DTNA: variants seen among roughly 807,000 people sequenced by gnomAD.
The protein encoded by DTNA is dystrophin-related protein 3.
DTNA carries 43 observed loss-of-function variants against 100.7 expected under a neutral mutation model. That is an observed-to-expected ratio of 0.43 (90% CI 0.33 to 0.55). The LOEUF (loss-of-function observed/expected upper bound fraction) is 0.55, where lower values mean the gene tolerates loss of function less well. Among genes scored for constraint, DTNA ranks in the 20% least tolerant of loss-of-function variants. DTNA has a pLI of 0.04. For missense variants in DTNA, 798 were observed against 953.9 expected (o/e 0.84, Z 2.15); for synonymous variants, 349 against 347.9 (o/e 1.00, Z -0.04).
intron 13 of DTNA, among the ~76,000 whole-genome samples, chr18:34,841,116 C>G (rs1450966011): frequency 2.0e-5 from 3 of 152,042 alleles, no homozygotes; most frequent in Non-Finnish European, 4.4e-5. Flanking sequence ...AAGATCATCC[C>G]CCTTTTATAG....
At chr18:34,803,485 T>C (rs2095278791) in intron 4 of DTNA, among the ~76,000 whole-genome samples, 2 of 152,156 alleles carry the variant, frequency 1.3e-5, no homozygotes, top group African/African-American at 2.4e-5. Flanking sequence ...TCCAAAATCA[T>C]TGGTGGTCAA....
chr18:34,868,129 T>C (rs1001871838), intron 17 of DTNA: 3 of 574,742 alleles, frequency 5.2e-6, no homozygotes, highest in Non-Finnish European at 6.6e-6. Flanking sequence ...ACAAGGATGT[T>C]ACTCTGCATG....
At chr18:34,882,323 C>G (rs769121204) in intron 21 of DTNA, 122 bp downstream of exon 21, 3 of 1,293,104 alleles carry the variant, frequency 2.3e-6, no homozygotes, top group Middle Eastern at 2.6e-4. Context: ...TCAAAATACA[C>G]TGATTTCACT....
chr18:34,722,123 T>G (rs2085475869), intron 1 of DTNA, among the ~76,000 whole-genome samples: 1 of 152,184 alleles, frequency 6.6e-6, no homozygotes, highest in African/African-American at 2.4e-5. Context: ...AATAATCCTT[T>G]GGGTTTAAAT....
intron 1 of DTNA, chr18:34,662,898 G>A (rs1212401546): frequency 6.6e-6 from 1 of 152,082 alleles, no homozygotes; most frequent in Non-Finnish European, 1.5e-5. Context: ...GATTCTTGAG[G>A]TTAAAACTAT....
chr18:34,666,834 A>G (rs1422189891), intron 1 of DTNA, among the ~76,000 whole-genome samples: 1 of 152,102 alleles, frequency 6.6e-6, no homozygotes, highest in East Asian at 1.9e-4. Flanking sequence ...GCCTTGTGGT[A>G]TAGTGTGAAG....
chr18:34,872,430 T>A (rs2096774309), intron 17 of DTNA, among the ~76,000 whole-genome samples: 3 of 152,202 alleles, frequency 2.0e-5, no homozygotes, highest in Admixed American at 2.0e-4. Context: ...ATATGGTCCA[T>A]AGCCCCATAT....
chr18:34,516,195 C>T (rs980947182), intron 1 of DTNA, among the ~76,000 whole-genome samples: 8 of 152,116 alleles, frequency 5.3e-5, no homozygotes, highest in Non-Finnish European at 1.0e-4. Flanking sequence ...GAAGGCATCA[C>T]ATATCGGCAG....
At chr18:34,562,730 G>T (rs1003929639) in intron 1 of DTNA, among the ~76,000 whole-genome samples, 1 of 152,098 alleles carries the variant, frequency 6.6e-6, no homozygotes, top group Non-Finnish European at 1.5e-5. Flanking sequence ...CTGAGGGTGA[G>T]GCCCAGCAAA....
At chr18:34,795,598 TG>T (rs1166318224) in intron 4 of DTNA, among the ~76,000 whole-genome samples, 4 of 152,214 alleles carry the variant, frequency 2.6e-5, no homozygotes, top group Non-Finnish European at 5.9e-5. Context: ...AACCTGGCCC[TG>T]TGACAAGAGT....
chr18:34,856,994 C>T (rs2096560240), intron 15 of DTNA, among the ~76,000 whole-genome samples: 1 of 152,142 alleles, frequency 6.6e-6, no homozygotes, highest in African/African-American at 2.4e-5. Flanking sequence ...TCAGGCTGAG[C>T]TTTATGGCAT....
intron 5 of DTNA, 47 bp downstream of exon 5, chr18:34,806,351 A>G: frequency 6.5e-7 from 1 of 1,537,410 alleles, no homozygotes; most frequent in Non-Finnish European, 9.0e-7. Flanking sequence ...CTTGCTAGGT[A>G]CCACCCTTTT....
rs781679429 is a variant in DTNA at position 34,875,287 on chromosome 18, A to G, written c.1792A>G (p.Arg598Gly). The G allele has an allele frequency of 1.9e-6, 3 of 1,614,208 alleles. No homozygotes were observed. In the South Asian group the frequency reaches 3.3e-5, roughly 18 times the overall value. The change falls in exon 18 of 23, where the codon AGG (arginine) becomes GGG (glycine). Residue 598 changes from arginine (R) to glycine (G), a missense_variant. Coordinates refer to ENST00000444659, the MANE Select transcript of DTNA (RefSeq NM_001386795.1). ...CTCCTCCCCCAGCCACACCATCAGCAGGCCAATTCCCATGCCCATCCGGTC... is the reference window on the plus strand; with the variant it reads ...CTCCTCCCCCAGCCACACCATCAGCGGGCCAATTCCCATGCCCATCCGGTC... ...PRSSPSHTIS[R>G]PIPMPIRSAS...
intron 1 of DTNA, among the ~76,000 whole-genome samples, chr18:34,611,932 G>T (rs917637351): frequency 6.6e-6 from 1 of 152,222 alleles, no homozygotes; most frequent in Non-Finnish European, 1.5e-5. Flanking sequence ...AGCTGGGCTG[G>T]TGGCACTGGG....
intron 1 of DTNA, among the ~76,000 whole-genome samples, chr18:34,675,112 C>T (rs1288489567): frequency 1.3e-5 from 2 of 152,124 alleles, no homozygotes; most frequent in Non-Finnish European, 2.9e-5. Context: ...CAGGGTTCCT[C>T]AACCTGGGTA....
At position 34,646,145 on chromosome 18, in the gene DTNA, T is replaced by C. The variant is rs112540213; in HGVS notation, c.-1-109831T>C. Among the ~76,000 whole-genome samples, 19 of 152,300 alleles carry C rather than the reference T, an allele frequency of 1.2e-4. 1 individual carries two copies. The highest frequency in any genetic ancestry group is 4.6e-4 in the African/African-American group (19 of 41,566). ...TTTAAATCAATATTTTAAAAGGTCATCTTGACAGTTACTTCAGAATAAACA... is the reference window on the plus strand; with the variant it reads ...TTTAAATCAATATTTTAAAAGGTCACCTTGACAGTTACTTCAGAATAAACA... On this transcript the variant is annotated intron_variant, in intron 1 of 19. Coordinates refer to the DTNA transcript ENST00000283365.
chr18:34,718,986 AC>A (rs1329584728), intron 1 of DTNA, among the ~76,000 whole-genome samples: 2 of 151,918 alleles, frequency 1.3e-5, no homozygotes, highest in Admixed American at 6.6e-5. Context: ...AAGGCAATTA[AC>A]CCTTTTTTTT....
chr18:34,587,306 T>C (rs1186786603), intron 1 of DTNA, among the ~76,000 whole-genome samples: 2 of 152,122 alleles, frequency 1.3e-5, no homozygotes, highest in East Asian at 3.9e-4. Flanking sequence ...CCTAACTTGG[T>C]GAGTTTAATT....
rs771315670 is a variant in DTNA, at chr18:34,866,949, G to A, written c.1743+2887G>A. On this transcript the variant is annotated intron_variant, in intron 17 of 22. Coordinates refer to ENST00000444659, the MANE Select transcript of DTNA (RefSeq NM_001386795.1). ...TGGAGCTGTCTGAACCTGTGGTCAG[G>A]CTCAAGAGCCAGCAGGGGGAGCAGC... 978 of 1,167,820 alleles carry A rather than the reference G, an allele frequency of 8.4e-4. 3 individuals carry two copies. Among genetic ancestry groups the A allele is most frequent in the Non-Finnish European group, 9.0e-4 (853 of 952,010 alleles). The allele number at this position is 1,167,820 out of a possible 1,614,324, so 72.3% of individuals were successfully genotyped here. A position where few individuals can be genotyped will look rare whatever the true frequency, so the allele number is the denominator to read the frequency against.
Sources: allele counts gnomAD v4.1 joint callset (sites outside exome capture counted in the v4.1 genomes callset), GRCh38; gene constraint gnomAD v4.1.1; transcripts MANE v1.5; gene names NCBI Gene and HGNC (gene_info 2026-07-23, HGNC 2026-07-21).